Variants in BAIAP2 observed in about 807,000 individuals in gnomAD.
BAIAP2 encodes the protein BAR/IMD domain-containing adapter protein 2.
In BAIAP2, 18 loss-of-function variants were observed where a neutral mutation model predicts 63.0. The ratio of observed to expected loss-of-function variants is 0.29; its 90% CI spans 0.20 to 0.42. The LOEUF is 0.42. Ranked by LOEUF, BAIAP2 falls within the 10% of genes least tolerant of loss-of-function variation. The pLI is 1.00. For missense variants in BAIAP2, 610 were observed against 734.3 expected (o/e 0.83, Z 1.96); for synonymous variants, 386 against 307.6 (o/e 1.25, Z -2.67).
At chr17:81,097,176 A>G (rs2057769527) in intron 6 of BAIAP2, among the ~76,000 whole-genome samples, 1 of 152,218 alleles carries the variant, frequency 6.6e-6, no homozygotes, top group Non-Finnish European at 1.5e-5. Flanking sequence ...TGGAGGGTCA[A>G]GGCCTACTGG....
intron 7 of BAIAP2, among the ~76,000 whole-genome samples, chr17:81,103,103 C>T (rs1332007341): frequency 6.6e-6 from 1 of 152,234 alleles, no homozygotes. Flanking sequence ...GCAGCCAGGC[C>T]TGACCCCCAC....
At chr17:81,059,918 TC>T (rs1362106433) in intron 3 of BAIAP2, among the ~76,000 whole-genome samples, 14 of 152,290 alleles carry the variant, frequency 9.2e-5, no homozygotes, top group African/African-American at 3.4e-4. Flanking sequence ...TTCCAGAACT[TC>T]CTGTTGGCGG....
At position 81,046,566 on chromosome 17, in the gene BAIAP2, C is replaced by T. The variant is rs2047836932; in HGVS notation, c.55-7102C>T. ...CCTGTGTGTGGGGTCAGCAGTGGCCCGCCCTGGAGGACGCTGCCACCTTCC... is the reference window on the plus strand; with the variant it reads ...CCTGTGTGTGGGGTCAGCAGTGGCCTGCCCTGGAGGACGCTGCCACCTTCC... On this transcript the variant is annotated intron_variant, in intron 1 of 13. Coordinates refer to ENST00000428708, the MANE Select transcript of BAIAP2 (RefSeq NM_001144888.2). This position sits in a 1 kb window ranked among gnomAD's most constrained non-coding sequence, Gnocchi z 4.5. 6.6e-6 allele frequency among the ~76,000 whole-genome samples: 1 copy of T among 151,872 alleles called. No homozygotes were observed. The highest frequency in any genetic ancestry group is 2.4e-5 in the African/African-American group (1 of 41,302).
intron 13 of BAIAP2, among the ~76,000 whole-genome samples, chr17:81,114,648 G>C (rs2060310085): frequency 6.6e-6 from 1 of 152,224 alleles, no homozygotes; most frequent in South Asian, 2.1e-4. Flanking sequence ...TAAAAACTCA[G>C]TCTGTAGTGT....
Position 81,104,008 on chromosome 17 carries a change from A to G in BAIAP2, c.966A>G (p.Lys322=), listed in dbSNP as rs775928425. ...CTGACCGCAAGGCTGCCCAGCCCAA[A>G]TCCCTGTCTCCTCCGCAGTCTCAGA... ...PWADRKAAQP[K]SLSPPQSQSK... Residue 322 remains lysine, a synonymous_variant, in exon 9 of 14, where the codon AAA becomes AAG. Coordinates refer to ENST00000428708, the MANE Select transcript of BAIAP2 (RefSeq NM_001144888.2). 1.2e-6 allele frequency: 2 copies of G among 1,613,158 alleles called. No individual in the cohort carries two copies. Among genetic ancestry groups the G allele is most frequent in the Non-Finnish European group, 1.7e-6 (2 of 1,179,998 alleles).
intron 3 of BAIAP2, among the ~76,000 whole-genome samples, chr17:81,071,398 A>ATGAGCTCTCGAGGTGCCTT (rs1568113972): frequency 1.3e-5 from 2 of 152,144 alleles, no homozygotes; most frequent in Non-Finnish European, 2.9e-5. Context: ...GTGGGTGGTG[A>ATGAGCTCTCGAGGTGCCTT]TGAGCTCTCG....
chr17:81,056,128 GA>G (rs1568085953), intron 2 of BAIAP2, among the ~76,000 whole-genome samples: 1 of 152,180 alleles, frequency 6.6e-6, no homozygotes, highest in Non-Finnish European at 1.5e-5. Context: ...AGAGGCTCCC[GA>G]ATCAGAGTAG....
intron 1 of BAIAP2, among the ~76,000 whole-genome samples, chr17:81,041,507 G>T (rs1015974708): frequency 6.6e-6 from 1 of 152,174 alleles, no homozygotes; most frequent in Non-Finnish European, 1.5e-5. Flanking sequence ...TATACTTACT[G>T]GAACAGTTGT....
intron 3 of BAIAP2, among the ~76,000 whole-genome samples, chr17:81,064,368 A>C (rs1176705754): frequency 6.6e-6 from 1 of 151,984 alleles, no homozygotes; most frequent in East Asian, 2.0e-4. Flanking sequence ...ATTCGGCTGC[A>C]CTGACTCCCG....
At chr17:81,055,421 G>A (rs546114485) in intron 2 of BAIAP2, among the ~76,000 whole-genome samples, 1 of 152,222 alleles carries the variant, frequency 6.6e-6, no homozygotes, top group Admixed American at 6.5e-5. Context: ...GCACCCTGCA[G>A]GGGCCCCCAT....
At chr17:81,112,623 G>C (rs758151071) in intron 13 of BAIAP2, among the ~76,000 whole-genome samples, 16 of 152,244 alleles carry the variant, frequency 1.1e-4, no homozygotes, top group Non-Finnish European at 1.3e-4. Context: ...CGAAGAAACA[G>C]CTGACGCGAG....
chr17:81,109,682 G>T (rs2059662187), intron 13 of BAIAP2: 1 of 985,180 alleles, frequency 1.0e-6, no homozygotes, highest in Non-Finnish European at 1.2e-6. Context: ...GACACTGCGG[G>T]CCAGGTGTAC....
intron 13 of BAIAP2, among the ~76,000 whole-genome samples, chr17:81,113,482 C>T (rs967298627): frequency 6.6e-5 from 10 of 152,234 alleles, no homozygotes; most frequent in Admixed American, 2.0e-4. Context: ...AGCTCCCCGC[C>T]GGCCTCCTGG....
intron 1 of BAIAP2, chr17:81,037,052 G>A: frequency 9.4e-7 from 1 of 1,067,172 alleles, no homozygotes; most frequent in Non-Finnish European, 1.4e-6. Context: ...CCTTCACCTA[G>A]GTGAAGCTGT....
intron 3 of BAIAP2, among the ~76,000 whole-genome samples, chr17:81,058,588 C>T (rs897125935): frequency 3.9e-5 from 6 of 152,210 alleles, no homozygotes; most frequent in South Asian, 2.1e-4. Context: ...TTCCTCTGCC[C>T]GCCTGGGAGA....
chr17:81,063,583 C>G (rs1260968085), intron 3 of BAIAP2, among the ~76,000 whole-genome samples: 1 of 152,182 alleles, frequency 6.6e-6, no homozygotes, highest in African/African-American at 2.4e-5. Context: ...TCGTCTCACT[C>G]CCCAGGCCGG....
intron 3 of BAIAP2, among the ~76,000 whole-genome samples, chr17:81,079,498 C>CCCA (rs1420193458): frequency 6.6e-6 from 1 of 152,020 alleles, no homozygotes; most frequent in Non-Finnish European, 1.5e-5. Context: ...CCATGTGTGC[C>CCCA]CCCTTTCTAG....
chr17:81,099,180 G>A (rs957113906), intron 6 of BAIAP2, among the ~76,000 whole-genome samples: 6 of 152,194 alleles, frequency 3.9e-5, no homozygotes, highest in African/African-American at 1.4e-4. Flanking sequence ...TGCTTTCTGG[G>A]CTCCCAGTCT....
chr17:81,041,557 TTTG>T (rs1414350052), intron 1 of BAIAP2, among the ~76,000 whole-genome samples: 1 of 152,172 alleles, frequency 6.6e-6, no homozygotes, highest in Non-Finnish European at 1.5e-5. Flanking sequence ...TTGTTTGTTT[TTTG>T]TTTTTTCTGT....
Sources: gnomAD v4.1 joint callset for allele counts (sites outside exome capture counted in the v4.1 genomes callset) on GRCh38, gnomAD v4.1.1 for gene constraint, Gnocchi (gnomAD v3.1) non-coding constraint, MANE v1.5 for transcripts, NCBI Gene and HGNC (gene_info 2026-07-23, HGNC 2026-07-21) for gene names.